PDE4B: variants seen among roughly 807,000 people sequenced by gnomAD.
The protein encoded by PDE4B is phosphodiesterase 4B.
PDE4B carries 20 observed loss-of-function variants against 82.2 expected under a neutral mutation model. That is an observed-to-expected ratio of 0.24 (90% CI 0.17 to 0.35). The LOEUF (loss-of-function observed/expected upper bound fraction) is 0.35, where lower values mean the gene tolerates loss of function less well. PDE4B is among the 10% of genes least tolerant of loss of function. PDE4B has a pLI of 1.00. For synonymous variants in PDE4B, 320 were observed against 318.9 expected, an observed-to-expected ratio of 1.00 and a Z score of -0.04; for missense variants, 655 against 907.2, an observed-to-expected ratio of 0.72 and a Z score of 3.57.
chr1:66,024,028 T>C (rs971873142), intron 3 of PDE4B, among the ~76,000 whole-genome samples: 1 of 152,128 alleles, frequency 6.6e-6, no homozygotes, highest in Non-Finnish European at 1.5e-5. Flanking sequence ...TTTCAGGCGG[T>C]TTATTTTTTA....
At chr1:66,111,933 A>G (rs1366080462) in intron 3 of PDE4B, among the ~76,000 whole-genome samples, 1 of 152,160 alleles carries the variant, frequency 6.6e-6, no homozygotes, top group Non-Finnish European at 1.5e-5. Flanking sequence ...CTTTGGCAAG[A>G]CTAAATGTTT....
intron 3 of PDE4B, among the ~76,000 whole-genome samples, chr1:66,152,047 G>A (rs1243607802): frequency 6.6e-6 from 1 of 152,096 alleles, no homozygotes; most frequent in East Asian, 1.9e-4. Context: ...AAACCTCAAA[G>A]TAGCTGTAAA....
At chr1:66,112,493 G>C (rs1222166799) in intron 3 of PDE4B, among the ~76,000 whole-genome samples, 1 of 152,128 alleles carries the variant, frequency 6.6e-6, no homozygotes, top group Non-Finnish European at 1.5e-5. Context: ...TCATGGGTCA[G>C]TAGCCGAAAG....
At chr1:66,319,966 G>A (rs981542959) in intron 7 of PDE4B, among the ~76,000 whole-genome samples, 5 of 152,090 alleles carry the variant, frequency 3.3e-5, no homozygotes, top group African/African-American at 1.2e-4. Context: ...ACTACTTTTG[G>A]AAGTTTATCC....
At chr1:66,246,575 T>C (rs1257088064) in intron 3 of PDE4B, among the ~76,000 whole-genome samples, 1 of 152,150 alleles carries the variant, frequency 6.6e-6, no homozygotes, top group African/African-American at 2.4e-5. Flanking sequence ...AAAATGCATA[T>C]GTAATGATAA....
intron 3 of PDE4B, among the ~76,000 whole-genome samples, chr1:66,215,367 T>C (rs542607414): frequency 8.2e-4 from 125 of 152,280 alleles, no homozygotes; most frequent in African/African-American, 2.9e-3. Flanking sequence ...GAACCAGCAG[T>C]AACATAATGC....
At chr1:66,122,166 G>A (rs141740730) in intron 3 of PDE4B, among the ~76,000 whole-genome samples, 70 of 152,266 alleles carry the variant, frequency 4.6e-4, no homozygotes, top group Non-Finnish European at 7.9e-4. Context: ...TTCTTTGAGC[G>A]TCCATTTTTC....
intron 7 of PDE4B, among the ~76,000 whole-genome samples, chr1:66,273,260 T>A (rs1655640801): frequency 6.6e-6 from 1 of 152,218 alleles, no homozygotes; most frequent in Non-Finnish European, 1.5e-5. Flanking sequence ...ATCCCTGAAA[T>A]ACACCAGGAT....
chr1:66,081,524 A>T (rs2311454), intron 3 of PDE4B, among the ~76,000 whole-genome samples: 7,266 of 152,228 alleles, frequency 0.048, 534 homozygotes, highest in East Asian at 0.36. Context: ...ACATCTATCT[A>T]TACTAATTTC....
chr1:65,902,625 A>G (rs113135641), intron 1 of PDE4B, among the ~76,000 whole-genome samples: 2 of 152,254 alleles, frequency 1.3e-5, no homozygotes, highest in African/African-American at 4.8e-5. Flanking sequence ...ATGATACTCT[A>G]CTTAGATTCA....
chr1:66,013,761 GGATGTAAAAATATCTCTTTGA>G (rs1044619782), intron 3 of PDE4B, among the ~76,000 whole-genome samples: 1 of 152,020 alleles, frequency 6.6e-6, no homozygotes, highest in Admixed American at 6.6e-5. Flanking sequence ...TTATGAACAT[GGATGTAAAAATATCTCTTTGA>G]GACTCTACTT....
chr1:66,036,217 G>A (rs1359385687), intron 3 of PDE4B, among the ~76,000 whole-genome samples: 4 of 152,026 alleles, frequency 2.6e-5, no homozygotes, highest in Admixed American at 6.5e-5. Context: ...GCATATTTTG[G>A]ATATTAGCCC....
intron 16 of PDE4B, among the ~76,000 whole-genome samples, chr1:66,370,312 C>A (rs1206419540): frequency 6.6e-6 from 1 of 152,048 alleles, no homozygotes; most frequent in Non-Finnish European, 1.5e-5. Flanking sequence ...AGGAATAACA[C>A]CCTTTTATTA....
At chr1:66,015,454 G>A (rs548904233) in intron 3 of PDE4B, among the ~76,000 whole-genome samples, 2 of 152,178 alleles carry the variant, frequency 1.3e-5, no homozygotes, top group South Asian at 4.2e-4. Flanking sequence ...TGGAGTACAC[G>A]ACTTCAGCCC....
chr1:66,036,416 C>T (rs1654065287), intron 3 of PDE4B, among the ~76,000 whole-genome samples: 1 of 152,150 alleles, frequency 6.6e-6, no homozygotes, highest in South Asian at 2.1e-4. Flanking sequence ...TATGGGTACT[C>T]TCCCCTAAGT....
intron 7 of PDE4B, among the ~76,000 whole-genome samples, chr1:66,302,154 C>T (rs1203772826): frequency 6.6e-6 from 1 of 152,158 alleles, no homozygotes; most frequent in Non-Finnish European, 1.5e-5. Context: ...GAGCCTGAAG[C>T]AGAAGTGACC....
chr1:65,887,414 GTTTTTT>G (rs34263724), intron 1 of PDE4B, among the ~76,000 whole-genome samples: 5 of 7,734 alleles, frequency 6.5e-4, no homozygotes, highest in Admixed American at 1.9e-3. Context: ...TTTTTCTTCT[GTTTTTT>G]TTTTTTTTTT....
chr1:66,005,452 A>C (rs1053659287), intron 3 of PDE4B, among the ~76,000 whole-genome samples: 2 of 152,176 alleles, frequency 1.3e-5, no homozygotes, highest in Non-Finnish European at 2.9e-5. Flanking sequence ...ACAAAAATAA[A>C]GGTTATTGCT....
chr1:66,303,056 T>G (rs1454641469), intron 7 of PDE4B, among the ~76,000 whole-genome samples: 1 of 152,200 alleles, frequency 6.6e-6, no homozygotes, highest in Non-Finnish European at 1.5e-5. Context: ...TGTGTTGGAA[T>G]ATAGCTCCAT....
Sources: gnomAD v4.1 joint callset for allele counts (sites outside exome capture counted in the v4.1 genomes callset) on GRCh38, gnomAD v4.1.1 for gene constraint, MANE v1.5 for transcripts, NCBI Gene and HGNC (gene_info 2026-07-23, HGNC 2026-07-21) for gene names.